Variants in PCDHA9 observed in about 807,000 individuals in gnomAD.
The protein encoded by PCDHA9 is protocadherin alpha 9, also known as protocadherin alpha-9.
PCDHA9 carries 62 observed loss-of-function variants against 62.0 expected under a neutral mutation model. The observed-to-expected ratio is 1.00, with a 90% CI of 0.81 to 1.23. The LOEUF (loss-of-function observed/expected upper bound fraction) is 1.23. Among genes scored for constraint, PCDHA9 ranks in the 50% most tolerant of loss-of-function variants. The pLI is 0.00. For synonymous variants in PCDHA9, 557 were observed against 567.6 expected (o/e 0.98, Z 0.27); for missense variants, 1,205 against 1,249.8 (o/e 0.96, Z 0.54).
chr5:140,973,586 C>A (rs1207651483), intron 1 of PCDHA9, among the ~76,000 whole-genome samples: 1 of 152,176 alleles, frequency 6.6e-6, no homozygotes, highest in Non-Finnish European at 1.5e-5. Flanking sequence ...GACTGCTGAG[C>A]CAGATGGAAT....
intron 1 of PCDHA9, among the ~76,000 whole-genome samples, chr5:140,935,722 G>A (rs1230672751): frequency 6.6e-6 from 1 of 152,006 alleles, no homozygotes; most frequent in Non-Finnish European, 1.5e-5. Context: ...TATATTTAGA[G>A]AAGTCTAGTA....
At chr5:140,920,411 T>G (rs533328116) in intron 1 of PCDHA9, among the ~76,000 whole-genome samples, 39 of 152,352 alleles carry the variant, frequency 2.6e-4, no homozygotes, top group Middle Eastern at 3.4e-3. Flanking sequence ...TTTAATCAGA[T>G]ACAGCTGTTC....
intron 1 of PCDHA9, among the ~76,000 whole-genome samples, chr5:140,899,821 C>G (rs1286169760): frequency 1.3e-5 from 2 of 151,902 alleles, no homozygotes; most frequent in African/African-American, 4.8e-5. Flanking sequence ...TTTGTTTTTC[C>G]TTTTTGAGAC....
intron 1 of PCDHA9, chr5:140,926,801 C>T: frequency 1.4e-6 from 2 of 1,451,506 alleles, no homozygotes; most frequent in Non-Finnish European, 9.0e-7. Flanking sequence ...GCGTGCTCTT[C>T]CCCGCGGCTC....
intron 1 of PCDHA9, among the ~76,000 whole-genome samples, chr5:140,911,305 T>C (rs1036239500): frequency 1.3e-5 from 2 of 152,186 alleles, no homozygotes; most frequent in Non-Finnish European, 2.9e-5. Context: ...CATATCCCCA[T>C]TCCAAGTTTC....
At chr5:140,876,558 T>C in intron 1 of PCDHA9, 1 of 1,614,216 alleles carries the variant, frequency 6.2e-7, no homozygotes, top group Non-Finnish European at 8.5e-7. Flanking sequence ...TGCAAGAGGA[T>C]GCTCAGGTGG....
chr5:140,944,470 A>G (rs1245262998), intron 1 of PCDHA9, among the ~76,000 whole-genome samples: 1 of 152,166 alleles, frequency 6.6e-6, no homozygotes, highest in East Asian at 1.9e-4. Flanking sequence ...TACAGGTATG[A>G]GGCACTGGAC....
intron 1 of PCDHA9, among the ~76,000 whole-genome samples, chr5:140,950,723 A>G (rs1478275346): frequency 1.3e-5 from 2 of 151,984 alleles, no homozygotes; most frequent in African/African-American, 4.8e-5. Flanking sequence ...ATATCCTTAA[A>G]TTTTTTAATC....
intron 1 of PCDHA9, among the ~76,000 whole-genome samples, chr5:140,954,419 T>TG (rs1413660060): frequency 1.3e-5 from 2 of 151,998 alleles, no homozygotes; most frequent in African/African-American, 4.8e-5. Context: ...AAGGTGTTCC[T>TG]TTTTCTCCAT....
intron 1 of PCDHA9, chr5:140,867,978 C>T (rs1283630691): frequency 6.6e-6 from 1 of 152,064 alleles, no homozygotes; most frequent in East Asian, 1.9e-4. Flanking sequence ...CAACAAGAAA[C>T]AAACTATTTT....
chr5:140,928,942 T>C lies in PCDHA9; in HGVS notation c.2395-50007T>C. The stretch of plus-strand genomic sequence containing the variant: ...GCAGCTTTCTGCCCAGAACTTGTAT[T>C]TAGTAATTGCCTTGGCTTGTATTTC... On this transcript the variant is annotated intron_variant, in intron 1 of 3. Transcript: ENST00000532602. 4 of 1,614,060 alleles carry C rather than the reference T, an allele frequency of 2.5e-6. No individual in the cohort carries two copies. The South Asian group carries it at 4.4e-5, about 18-fold the overall frequency.
intron 1 of PCDHA9, chr5:140,869,015 A>G (rs2050795044): frequency 6.6e-7 from 1 of 1,524,382 alleles, no homozygotes; most frequent in Non-Finnish European, 8.8e-7. Flanking sequence ...GAAACTTCTT[A>G]AGAATTCAAC....
rs566250084 is a variant in PCDHA9 at position 140,877,055 on chromosome 5, T to G, written c.2394+26166T>G. The G allele has an allele frequency of 2.5e-6, 4 of 1,612,792 alleles. No homozygotes were observed. In the East Asian group the frequency reaches 8.9e-5, roughly 36 times the overall value. On this transcript the variant is annotated intron_variant, in intron 1 of 3. Coordinates refer to ENST00000532602, the MANE Select transcript of PCDHA9 (RefSeq NM_031857.2). ...CTGCAGCCGCTAGACCACGAGGAGC[T>G]GGAGCTGCTGCAGTTCCAGGTGAGC...
chr5:140,954,282 T>C (rs1554221335), intron 1 of PCDHA9, among the ~76,000 whole-genome samples: 1 of 152,220 alleles, frequency 6.6e-6, no homozygotes. Context: ...TGATTTATAT[T>C]CCTTTGGGTA....
intron 1 of PCDHA9, among the ~76,000 whole-genome samples, chr5:140,895,474 C>T (rs947771616): frequency 2.1e-4 from 32 of 152,154 alleles, no homozygotes; most frequent in African/African-American, 7.0e-4. Flanking sequence ...TTATCCTCTT[C>T]GGAGAAATAC....
At chr5:140,863,314 T>A in intron 1 of PCDHA9, 1 of 1,458,118 alleles carries the variant, frequency 6.9e-7, no homozygotes, top group Non-Finnish European at 9.3e-7. Context: ...CTGCGTGGTG[T>A]CCAGCCTGTT....
chr5:140,882,737 G>C lies in PCDHA9; in HGVS notation c.2394+31848G>C, dbSNP rs1375859660. The C allele has an allele frequency of 3.7e-6, 6 of 1,614,090 alleles. No homozygotes were observed. In the East Asian group the frequency reaches 1.1e-4, roughly 30 times the overall value. ...GGAAACTCGATTTCCACTAGATGGC[G>C]CATCCGATGCAGATATTGGAGTAAA... On this transcript the variant is annotated intron_variant, in intron 1 of 3. Transcript: ENST00000532602.
At chr5:140,870,142 C>T (rs782428763) in intron 1 of PCDHA9, 3 of 1,613,946 alleles carry the variant, frequency 1.9e-6, no homozygotes, top group South Asian at 1.1e-5. Flanking sequence ...CGATAACTCT[C>T]CTGAAGTCGC....
At chr5:140,877,571 T>C in intron 1 of PCDHA9, 1 of 1,613,760 alleles carries the variant, frequency 6.2e-7, no homozygotes, top group African/African-American at 1.3e-5. Context: ...AACGTGTACC[T>C]CATCATCGCC....
Sources: allele counts gnomAD v4.1 joint callset (sites outside exome capture counted in the v4.1 genomes callset), GRCh38; gene constraint gnomAD v4.1.1; transcripts MANE v1.5; gene names NCBI Gene and HGNC (gene_info 2026-07-23, HGNC 2026-07-21).